OR2I1: variants seen among roughly 807,000 people sequenced by gnomAD.
OR2I1 encodes the protein putative olfactory receptor 2I1.
the OR2I1 span, chr6:29,555,961 C>A: frequency 6.2e-7 from 1 of 1,613,094 alleles, no homozygotes; most frequent in East Asian, 2.2e-5. Flanking sequence ...TCCCATCTTC[C>A]AGTCTCTTTC....
the OR2I1 span, chr6:29,556,265 C>T: frequency 1.9e-5 from 31 of 1,612,946 alleles, no homozygotes; most frequent in Admixed American, 3.3e-5. Flanking sequence ...GGTCTTAGAC[C>T]GGACATGTTC....
chr6:29,553,286 A>AG, the OR2I1 span: 1 of 398,944 alleles, frequency 2.5e-6, no homozygotes, highest in African/African-American at 2.1e-5. Flanking sequence ...CCTTCCCTGC[A>AG]GCCGGTCCTC....
At chr6:29,555,328 G>A in the OR2I1 span, 10 of 153,152 alleles carry the variant, frequency 6.5e-5, no homozygotes, top group African/African-American at 2.2e-4. Flanking sequence ...GGGGGAAGGA[G>A]TTTAATTTAG....
the OR2I1 span, chr6:29,552,810 A>G: frequency 0.025 from 3,976 of 156,750 alleles, 143 homozygotes; most frequent in African/African-American, 0.075. Flanking sequence ...TAACATAGGC[A>G]TTTACAAGAA....
At chr6:29,552,941 TG>T in the OR2I1 span, 4 of 285,888 alleles carry the variant, frequency 1.4e-5, no homozygotes, top group Admixed American at 1.0e-4. Flanking sequence ...TTACATGAAC[TG>T]TTGCATAAAT....
the OR2I1 span, chr6:29,555,633 G>A: frequency 4.0e-6 from 2 of 494,824 alleles, no homozygotes; most frequent in Non-Finnish European, 7.0e-6. Flanking sequence ...GCTCTATTTT[G>A]CCTTAAAAAT....
At chr6:29,555,893 C>T in the OR2I1 span, 1 of 1,612,890 alleles carries the variant, frequency 6.2e-7, no homozygotes, top group Admixed American at 1.7e-5. Context: ...CCCTCCAATA[C>T]AATAACATGC....
the OR2I1 span, chr6:29,555,799 C>G: frequency 8.6e-7 from 1 of 1,163,328 alleles, no homozygotes; most frequent in Non-Finnish European, 1.2e-6. Context: ...TTTGGGAAAT[C>G]ATCAGAAGAT....
At chr6:29,551,668 C>T in the OR2I1 span, among the ~76,000 whole-genome samples, 1 of 152,208 alleles carries the variant, frequency 6.6e-6, no homozygotes, top group Non-Finnish European at 1.5e-5. Flanking sequence ...TTAACAACTG[C>T]TATGTGCCAG....
chr6:29,553,322 T>C, the OR2I1 span: 24 of 399,540 alleles, frequency 6.0e-5, no homozygotes, highest in Non-Finnish European at 1.0e-4. Context: ...CTGTGCTACC[T>C]CCTGACCTTG....
At chr6:29,556,267 G>C in the OR2I1 span, 7 of 1,612,990 alleles carry the variant, frequency 4.3e-6, no homozygotes, top group Non-Finnish European at 4.2e-6. Flanking sequence ...TCTTAGACCG[G>C]ACATGTTCTT....
chr6:29,550,831 C>T, the OR2I1 span: 2 of 152,316 alleles, frequency 1.3e-5, no homozygotes, highest in Non-Finnish European at 2.9e-5. Context: ...AAGGTGTAAA[C>T]ATTAGTGCCA....
At chr6:29,557,475 C>G in the OR2I1 span, 1 of 152,226 alleles carries the variant, frequency 6.6e-6, no homozygotes, top group South Asian at 2.1e-4. Context: ...TAAGGCCTAA[C>G]TGTAATGCAA....
At chr6:29,550,950 T>G in the OR2I1 span, 5 of 152,210 alleles carry the variant, frequency 3.3e-5, no homozygotes, top group African/African-American at 1.2e-4. Flanking sequence ...ACACATTATA[T>G]TATATATTTC....
the OR2I1 span, among the ~76,000 whole-genome samples, chr6:29,552,337 A>G: frequency 2.0e-5 from 3 of 152,230 alleles, no homozygotes; most frequent in Non-Finnish European, 4.4e-5. Flanking sequence ...AAAGGGAGCT[A>G]TGTAGGTAAA....
At chr6:29,553,835 T>A in the OR2I1 span, 1 of 398,524 alleles carries the variant, frequency 2.5e-6, no homozygotes, top group Non-Finnish European at 4.4e-6. Flanking sequence ...CGCGTGGTCA[T>A]CCTGCTGCTG....
the OR2I1 span, chr6:29,554,482 GGT>G: frequency 4.3e-6 from 1 of 229,998 alleles, no homozygotes; most frequent in Admixed American, 5.7e-5. Flanking sequence ...AAGACCTCTT[GGT>G]CTCTGCAATC....
the OR2I1 span, chr6:29,554,353 A>G: frequency 5.1e-6 from 2 of 392,862 alleles, no homozygotes; most frequent in Non-Finnish European, 9.0e-6. Context: ...AAATCCCTAA[A>G]TCCTCTATAT....
the OR2I1 span, chr6:29,555,452 T>C: frequency 1.8e-5 from 3 of 170,916 alleles, no homozygotes; most frequent in African/African-American, 7.2e-5. Flanking sequence ...TCAACCATTA[T>C]TGAGTGATAT....
Sources: gnomAD v4.1 joint callset for allele counts (sites outside exome capture counted in the v4.1 genomes callset) on GRCh38, gnomAD v4.1.1 for gene constraint, MANE v1.5 for transcripts, NCBI Gene and HGNC (gene_info 2026-07-23, HGNC 2026-07-21) for gene names.